Variants in LAMA4 observed in about 807,000 individuals in gnomAD.
The protein encoded by LAMA4 is laminin subunit alpha 4.
In LAMA4, 127 loss-of-function variants were observed where a neutral mutation model predicts 207.1. The observed-to-expected ratio is 0.61, with a 90% CI of 0.53 to 0.71. LAMA4 has a LOEUF of 0.71. Among genes scored for constraint, LAMA4 ranks in the 30% least tolerant of loss-of-function variants. The pLI, the probability that LAMA4 is intolerant of heterozygous loss-of-function variation, is 0.00. For missense variants in LAMA4, 2,093 were observed against 2,246.5 expected (o/e 0.93, Z 1.38); for synonymous variants, 761 against 816.0 (o/e 0.93, Z 1.15).
At chr6:112,206,786 G>A (rs1295616871) in intron 4 of LAMA4, among the ~76,000 whole-genome samples, 2 of 152,168 alleles carry the variant, frequency 1.3e-5, no homozygotes, top group African/African-American at 2.4e-5. Flanking sequence ...TTGACCTCAT[G>A]ATGCACCCCA....
At chr6:112,206,914 C>T in intron 4 of LAMA4, 107 bp downstream of exon 4, 2 of 1,334,000 alleles carry the variant, frequency 1.5e-6, no homozygotes, top group Middle Eastern at 1.8e-4. Context: ...TGAGGTTTTG[C>T]CTGTGGAGAA....
In LAMA4 at chr6:112,114,194, A is replaced by T; in HGVS notation, c.5208T>A (p.Val1736=). Residue 1736 remains valine, a splice_region_variant and synonymous_variant, in exon 38 of 39, where the codon GTT becomes GTA. Coordinates refer to ENST00000230538, the MANE Select transcript of LAMA4 (RefSeq NM_001105206.3). ...LCDGRWHRIT[V]IRDSNVVQLD... ...ACTGAACCACATTAGAATCTCTAAT[A>T]ACTGAAATGCAGGGCAAAGACTGGT... 6.2e-7 allele frequency: 1 copy of T among 1,613,764 alleles called. No homozygotes were observed. Among genetic ancestry groups the T allele is most frequent in the Non-Finnish European group, 8.5e-7 (1 of 1,179,688 alleles).
chr6:112,123,402 A>G (rs189738793), intron 31 of LAMA4, among the ~76,000 whole-genome samples: 211 of 152,306 alleles, frequency 1.4e-3, no homozygotes, highest in African/African-American at 4.8e-3. Context: ...GAAATGTCAG[A>G]ACTATATACA....
At chr6:112,204,483 AAAAAC>A (rs1370267212) in intron 4 of LAMA4, among the ~76,000 whole-genome samples, 2 of 152,160 alleles carry the variant, frequency 1.3e-5, no homozygotes, top group African/African-American at 4.8e-5. Context: ...CCAAAAAAAA[AAAAAC>A]AAACACTGCA....
In LAMA4 at chr6:112,243,473, AT is replaced by A. The variant is rs1156228409; in HGVS notation, c.195+10482del. ...TTGTTGCTAGAAGTAATCAGTTTTA[AT>A]TTTTTTTTAGTATAATTGAGGCCCC... On this transcript the variant is annotated intron_variant, in intron 2 of 38. Coordinates refer to ENST00000230538, the MANE Select transcript of LAMA4 (RefSeq NM_001105206.3). Among the ~76,000 whole-genome samples the A allele has an allele frequency of 3.3e-5, 5 of 151,462 alleles. No individual in the cohort carries two copies. The East Asian group carries it at 5.8e-4, about 18-fold the overall frequency.
At chr6:112,195,436 T>G (rs1295022586) in intron 5 of LAMA4, among the ~76,000 whole-genome samples, 8 of 152,194 alleles carry the variant, frequency 5.3e-5, no homozygotes. Flanking sequence ...AAAAACTTGA[T>G]GTCTTCAGAG....
chr6:112,216,610 A>T (rs1554358818), intron 2 of LAMA4, 141 bp from the exon 3 acceptor site: 1 of 689,036 alleles, frequency 1.5e-6, no homozygotes, highest in East Asian at 2.7e-5. Context: ...CATACAAAAC[A>T]TACTAAAATA....
chr6:112,136,376 T>C (rs1332000903), intron 24 of LAMA4, 122 bp from the exon 25 acceptor site: 1 of 797,642 alleles, frequency 1.3e-6, no homozygotes, highest in Non-Finnish European at 2.1e-6. Flanking sequence ...ACTAAGAAAG[T>C]CTCATGAAAT....
intron 35 of LAMA4, among the ~76,000 whole-genome samples, chr6:112,116,599 C>G (rs1778033430): frequency 6.6e-6 from 1 of 152,132 alleles, no homozygotes; most frequent in Non-Finnish European, 1.5e-5. Flanking sequence ...GGAGAAAGAG[C>G]AGAGAAAGTA....
At chr6:112,192,257 T>C (rs1167864157) in intron 5 of LAMA4, among the ~76,000 whole-genome samples, 1 of 152,248 alleles carries the variant, frequency 6.6e-6, no homozygotes, top group Non-Finnish European at 1.5e-5. Context: ...TTGAGAAACA[T>C]TGATCAGTCT....
chr6:112,157,933 G>T (rs1158570032), intron 14 of LAMA4: 1 of 152,144 alleles, frequency 6.6e-6, no homozygotes, highest in Non-Finnish European at 1.5e-5. Context: ...TTGGAAGAGT[G>T]TTTGAAAATT....
At chr6:112,138,202 C>G (rs1255455458) in intron 24 of LAMA4, among the ~76,000 whole-genome samples, 4 of 152,090 alleles carry the variant, frequency 2.6e-5, no homozygotes, top group African/African-American at 4.8e-5. Context: ...ACCTGGTTAG[C>G]TTACAAGAAC....
intron 2 of LAMA4, among the ~76,000 whole-genome samples, chr6:112,238,291 G>T (rs1786083216): frequency 6.6e-6 from 1 of 152,170 alleles, no homozygotes; most frequent in South Asian, 2.1e-4. Flanking sequence ...GAGGTAGTGT[G>T]CACCTTTTTG....
chr6:112,231,141 C>G (rs1438770896), intron 2 of LAMA4, among the ~76,000 whole-genome samples: 2 of 152,198 alleles, frequency 1.3e-5, no homozygotes, highest in East Asian at 1.9e-4. Flanking sequence ...CATCTCTGTT[C>G]AAGTTTATCA....
chr6:112,142,325 T>C, intron 19 of LAMA4, 33 bp from the exon 20 acceptor site: 1 of 1,609,026 alleles, frequency 6.2e-7, no homozygotes, highest in Non-Finnish European at 8.5e-7. Flanking sequence ...TTAAAAGTGC[T>C]TTGCAGAAAT....
Position 112,130,300 on chromosome 6 carries a change from TTG to T in LAMA4, c.3969-262_3969-261del, listed in dbSNP as rs35563593. ...AGATGACTAGTCATCAGCATTATTT[TTG>T]TGTGTGTGTGTGTGTGTGTGTGTGT... On this transcript the variant is annotated intron_variant, in intron 29 of 38. Transcript: ENST00000230538. 27,743 of 374,950 alleles carry T rather than the reference TTG, an allele frequency of 0.074. 58 individuals are homozygous for T. The highest frequency in any genetic ancestry group is 0.12 in the South Asian group (4,414 of 38,280). 23.2% of individuals were successfully genotyped at this position (374,950 alleles called of 1,614,324 possible). A position where few individuals can be genotyped will look rare whatever the true frequency, so the allele number is the denominator to read the frequency against.
chr6:112,130,962 C>CTATA lies in LAMA4; in HGVS notation c.3968+2_3968+5dup. The CTATA allele has an allele frequency of 6.2e-7, 1 of 1,612,668 alleles. No homozygotes were observed. Among genetic ancestry groups the CTATA allele is most frequent in the Admixed American group, 1.7e-5 (1 of 59,962 alleles). ...GGTGGAAAGAATATGAAGTGAGGAGCTATACCTTGTGGGTGAGACAGAGCT... is the reference window on the plus strand; with the variant it reads ...GGTGGAAAGAATATGAAGTGAGGAGCTATATATACCTTGTGGGTGAGACAGAGCT... On this transcript the variant is annotated splice_donor_region_variant and intron_variant, in intron 29 of 38. Coordinates refer to ENST00000230538, the MANE Select transcript of LAMA4 (RefSeq NM_001105206.3).
intron 18 of LAMA4, among the ~76,000 whole-genome samples, chr6:112,145,134 C>T (rs148370269): frequency 8.8e-4 from 134 of 152,298 alleles, no homozygotes; most frequent in African/African-American, 3.1e-3. Flanking sequence ...CTGGGCCAGA[C>T]GGACTCAGCT....
chr6:112,124,820 G>A (rs1346837085), intron 31 of LAMA4, among the ~76,000 whole-genome samples: 4 of 150,928 alleles, frequency 2.7e-5, no homozygotes, highest in African/African-American at 7.3e-5. Flanking sequence ...GCAGTGGCGC[G>A]ATGTCAGCTC....
Sources: allele counts gnomAD v4.1 joint callset (sites outside exome capture counted in the v4.1 genomes callset), GRCh38; gene constraint gnomAD v4.1.1; transcripts MANE v1.5; gene names NCBI Gene and HGNC (gene_info 2026-07-23, HGNC 2026-07-21).